TPH1: variants seen among roughly 807,000 people sequenced by gnomAD.
The protein encoded by TPH1 is tryptophan 5-hydroxylase 1.
A neutral mutation model predicts 49.5 loss-of-function variants in TPH1; 37 were observed. The observed-to-expected ratio is 0.75, with a 90% CI of 0.58 to 0.98. The LOEUF (loss-of-function observed/expected upper bound fraction) is 0.98, where lower values mean the gene tolerates loss of function less well. Among genes scored for constraint, TPH1 ranks in the 50% least tolerant of loss-of-function variants. The probability of loss-of-function intolerance (pLI) is 0.00; values close to 1 mark genes in which losing one functional copy is unlikely to be tolerated. For synonymous variants in TPH1, 160 were observed against 182.1 expected (o/e 0.88, Z 0.98); for missense variants, 487 against 523.6 (o/e 0.93, Z 0.68).
intron 3 of TPH1, among the ~76,000 whole-genome samples, chr11:18,033,757 T>G (rs211105): frequency 0.19 from 29,232 of 152,154 alleles, 3,380 homozygotes; most frequent in Non-Finnish European, 0.26. Flanking sequence ...CATTTATTTT[T>G]GCCGATGGAA....
At chr11:18,045,169 T>C (rs1258884108) in intron 1 of TPH1, among the ~76,000 whole-genome samples, 2 of 152,220 alleles carry the variant, frequency 1.3e-5, no homozygotes, top group African/African-American at 2.4e-5. Context: ...ATGGATATTG[T>C]TTGAAGACAG....
At position 18,026,462 on chromosome 11, in the gene TPH1, A is replaced by C. The variant is rs561653404; in HGVS notation, c.803+28T>G. 3.1e-6 allele frequency: 5 copies of C among 1,604,908 alleles called. No homozygotes were observed. In the Admixed American group the frequency reaches 8.4e-5, roughly 27 times the overall value. ...CATTATTATAAATAACCATTTGATG[A>C]ATTCCTGGCTGAAATAGAAGTACTT... On this transcript the variant is annotated intron_variant, in intron 7 of 10. Coordinates refer to ENST00000682019, the MANE Select transcript of TPH1 (RefSeq NM_004179.3).
chr11:18,031,289 T>C (rs2134029672), intron 4 of TPH1, among the ~76,000 whole-genome samples: 1 of 152,322 alleles, frequency 6.6e-6, no homozygotes, highest in South Asian at 2.1e-4. Flanking sequence ...TTGTAGCACA[T>C]ACCAGTATTC....
At chr11:18,038,324 C>T (rs1175610213) in intron 2 of TPH1, among the ~76,000 whole-genome samples, 2 of 152,130 alleles carry the variant, frequency 1.3e-5, no homozygotes, top group Non-Finnish European at 2.9e-5. Flanking sequence ...GAGACACACC[C>T]AGAGAACACC....
At chr11:18,040,854 A>C in intron 1 of TPH1, 66 bp from the exon 2 acceptor site, 1 of 1,440,286 alleles carries the variant, frequency 6.9e-7, no homozygotes, top group Non-Finnish European at 9.5e-7. Context: ...ATATTTGATA[A>C]CTAAGGGCTC....
Position 18,019,660 on chromosome 11 carries a change from G to T in TPH1, c.*1331C>A, listed in dbSNP as rs1488454979. 7 of 461,196 alleles carry T rather than the reference G, an allele frequency of 1.5e-5. No individual in the cohort carries two copies. Among genetic ancestry groups the T allele is most frequent in the South Asian group, 1.1e-4 (7 of 64,724 alleles). The allele number at this position is 461,196 out of a possible 1,614,324, so 28.6% of individuals were successfully genotyped here. A position where few individuals can be genotyped will look rare whatever the true frequency, so the allele number is the denominator to read the frequency against. ...AATAAGAACTGAAGTCATGTATCTG[G>T]GTGACATTCCCCATGAAGAGATGGC... On this transcript the variant is annotated 3_prime_UTR_variant, in exon 11 of 11. Transcript: ENST00000682019.
At chr11:18,044,759 AC>A (rs1176545930) in intron 1 of TPH1, among the ~76,000 whole-genome samples, 6 of 126,168 alleles carry the variant, frequency 4.8e-5, no homozygotes, top group African/African-American at 1.8e-4. Context: ...GGAAAACAAA[AC>A]AAAACAAAAC....
At position 18,036,040 on chromosome 11, in the gene TPH1, T is replaced by C; in HGVS notation, c.220A>G (p.Asn74Asp). The change falls in exon 3 of 11, where the codon AAT (asparagine) becomes GAT (aspartate). Residue 74 changes from asparagine to aspartate, a missense_variant. Asn to Asp is a conservative substitution (Grantham distance 23). Transcript: ENST00000682019. ...VDCDINREQL[N>D]DIFHLLKSHT... is the part of the protein sequence containing the mutation. ...GACTTCAGCAGATGAAAAATATCAT[T>C]CAATTGTTCTCTGTTGATGTCACAG... 1 of 1,612,760 alleles carries C rather than the reference T, an allele frequency of 6.2e-7. No individual in the cohort carries two copies.
chr11:18,027,091 AT>A (rs1312165817), intron 6 of TPH1, among the ~76,000 whole-genome samples: 2 of 152,198 alleles, frequency 1.3e-5, no homozygotes, highest in African/African-American at 4.8e-5. Flanking sequence ...AAGCTGTGCC[AT>A]TTTTAGCCAG....
intron 3 of TPH1, among the ~76,000 whole-genome samples, chr11:18,033,976 C>T (rs1848018805): frequency 6.6e-6 from 1 of 152,200 alleles, no homozygotes; most frequent in Non-Finnish European, 1.5e-5. Flanking sequence ...GAGATCTTCT[C>T]ATTCCGCAAA....
intron 2 of TPH1, among the ~76,000 whole-genome samples, chr11:18,037,238 G>A (rs1053932805): frequency 2.0e-5 from 3 of 151,922 alleles, no homozygotes; most frequent in African/African-American, 7.3e-5. Context: ...CACACCAGTA[G>A]TCCCAGCTAC....
Position 18,017,876 on chromosome 11 carries a change from T to C in TPH1, c.*3115A>G, listed in dbSNP as rs1471500878. 2.0e-5 allele frequency: 3 copies of C among 152,224 alleles called. No homozygotes were observed. The highest frequency in any genetic ancestry group is 7.2e-5 in the African/African-American group (3 of 41,458). The allele number at this position is 152,224 out of a possible 1,614,324, so 9.4% of individuals were successfully genotyped here. On this transcript the variant is annotated 3_prime_UTR_variant, in exon 11 of 11. Transcript: ENST00000682019. ...TATTCTGAAGACCAGCTTTTGAGCA[T>C]CCTTAAGAAGTCATGAAGATATTAA...
intron 4 of TPH1, among the ~76,000 whole-genome samples, chr11:18,029,915 T>C (rs1216364170): frequency 6.6e-6 from 1 of 152,182 alleles, no homozygotes; most frequent in Non-Finnish European, 1.5e-5. Flanking sequence ...TCCTTAATCA[T>C]TTGACTATAT....
intron 6 of TPH1, among the ~76,000 whole-genome samples, chr11:18,027,709 C>T (rs1029081100): frequency 2.0e-5 from 3 of 152,206 alleles, no homozygotes; most frequent in Admixed American, 1.3e-4. Flanking sequence ...TCCTCCAAAT[C>T]TCATGCAAAT....
At position 18,018,494 on chromosome 11, in the gene TPH1, G is replaced by C. The variant is rs1854319383; in HGVS notation, c.*2497C>G. The C allele has an allele frequency of 6.6e-6, 1 of 151,478 alleles. No individual in the cohort carries two copies. Among genetic ancestry groups the C allele is most frequent in the African/African-American group, 2.4e-5 (1 of 41,190 alleles). The allele number at this position is 151,478 out of a possible 1,614,324, so 9.4% of individuals were successfully genotyped here. A position where few individuals can be genotyped will look rare whatever the true frequency, so the allele number is the denominator to read the frequency against. Reference sequence around the variant, plus strand: ...ATCCTGGCTAACACGGTGAAACCTTGTCTCTACTAAAAATACAAAAAATGA... The same window carrying C: ...ATCCTGGCTAACACGGTGAAACCTTCTCTCTACTAAAAATACAAAAAATGA... On this transcript the variant is annotated 3_prime_UTR_variant, in exon 11 of 11. Transcript: ENST00000682019.
intron 1 of TPH1, among the ~76,000 whole-genome samples, chr11:18,043,927 A>G (rs1213334105): frequency 6.6e-6 from 1 of 151,766 alleles, no homozygotes; most frequent in Non-Finnish European, 1.5e-5. Flanking sequence ...GCTTTCCTGG[A>G]AGTTGCTATT....
At chr11:18,043,620 A>G (rs1216688890) in intron 1 of TPH1, among the ~76,000 whole-genome samples, 1 of 133,490 alleles carries the variant, frequency 7.5e-6, no homozygotes, top group Non-Finnish European at 1.5e-5. Context: ...AAAAACAAAA[A>G]CAAACAAACA....
At position 18,022,233 on chromosome 11, in the gene TPH1, T is replaced by A. The variant is rs188984178; in HGVS notation, c.1160+565A>T. Among the ~76,000 whole-genome samples, 614 of 152,350 alleles carry A rather than the reference T, an allele frequency of 4.0e-3. 3 individuals are homozygous for A. The highest frequency in any genetic ancestry group is 5.2e-3 in the Non-Finnish European group (352 of 68,012). The stretch of plus-strand genomic sequence containing the variant: ...TTCTAAAAAGTTTCTCTGCCTCCAA[T>A]ATCCTCCTTTCTTAACCACACACTT... On this transcript the variant is annotated intron_variant, in intron 10 of 10. Transcript: ENST00000682019.
chr11:18,035,435 T>TC lies in TPH1; in HGVS notation c.301+523_301+524insG, dbSNP rs1554899054. Among the ~76,000 whole-genome samples, 3 of 150,744 alleles carry TC rather than the reference T, an allele frequency of 2.0e-5. No homozygotes were observed. The East Asian group carries it at 5.8e-4, about 29-fold the overall frequency. ...TCTTTCTTTCTCTCTTTCCTTTCTT[T>TC]TTTTTTTTTTGACAGGGTCTTGTTC... On this transcript the variant is annotated intron_variant, in intron 3 of 10. Transcript: ENST00000682019.
Sources: gnomAD v4.1 joint callset for allele counts (sites outside exome capture counted in the v4.1 genomes callset) on GRCh38, gnomAD v4.1.1 for gene constraint, MANE v1.5 for transcripts, NCBI Gene and HGNC (gene_info 2026-07-23, HGNC 2026-07-21) for gene names.